Variants in CTNNA3 observed in about 807,000 individuals in gnomAD.
CTNNA3 encodes the protein catenin alpha-3.
CTNNA3 carries 76 observed loss-of-function variants against 95.7 expected under a neutral mutation model. The ratio of observed to expected loss-of-function variants is 0.79; its 90% CI spans 0.66 to 0.96. CTNNA3 has a LOEUF of 0.96. CTNNA3 is among the 40% of genes least tolerant of loss of function. The pLI, the probability that CTNNA3 is intolerant of heterozygous loss-of-function variation, is 0.00. For missense variants in CTNNA3, 1,191 were observed against 1,089.8 expected (o/e 1.09, Z -1.31); for synonymous variants, 431 against 374.4 (o/e 1.15, Z -1.74).
chr10:66,672,224 A>C (rs1373228563), intron 9 of CTNNA3, among the ~76,000 whole-genome samples: 3 of 152,076 alleles, frequency 2.0e-5, no homozygotes, highest in Admixed American at 2.0e-4. Context: ...CTGGCCATTC[A>C]CCTTGGTCAT....
intron 5 of CTNNA3, among the ~76,000 whole-genome samples, chr10:67,511,495 G>C (rs1839627247): frequency 6.6e-6 from 1 of 152,160 alleles, no homozygotes; most frequent in Admixed American, 6.5e-5. Context: ...GATGGATTAT[G>C]TTTATTGATT....
At chr10:66,429,864 A>T (rs2131742907) in intron 11 of CTNNA3, among the ~76,000 whole-genome samples, 1 of 152,040 alleles carries the variant, frequency 6.6e-6, no homozygotes, top group East Asian at 1.9e-4. Flanking sequence ...GCCCTCTCCC[A>T]CCACTCCTAT....
chr10:66,300,034 A>G (rs1290125818), intron 12 of CTNNA3, among the ~76,000 whole-genome samples: 1 of 152,034 alleles, frequency 6.6e-6, no homozygotes, highest in Non-Finnish European at 1.5e-5. Context: ...CTGGGACTAC[A>G]GGTGCCTGCC....
intron 16 of CTNNA3, among the ~76,000 whole-genome samples, chr10:65,980,874 A>G (rs2078306820): frequency 6.6e-6 from 1 of 152,124 alleles, no homozygotes; most frequent in African/African-American, 2.4e-5. Flanking sequence ...TGACAAACCC[A>G]CAGCCAATAT....
chr10:66,414,960 A>G (rs1404788286), intron 11 of CTNNA3, among the ~76,000 whole-genome samples: 3 of 152,116 alleles, frequency 2.0e-5, no homozygotes, highest in Non-Finnish European at 4.4e-5. Context: ...TTCTCCACCC[A>G]AGGCTGAGCA....
chr10:65,987,987 A>C (rs1329916174), intron 16 of CTNNA3, among the ~76,000 whole-genome samples: 1 of 152,126 alleles, frequency 6.6e-6, no homozygotes, highest in East Asian at 1.9e-4. Context: ...AAAGTTGATG[A>C]CACAGAATTA....
At chr10:67,545,812 C>G (rs905640171) in intron 3 of CTNNA3, among the ~76,000 whole-genome samples, 8 of 152,092 alleles carry the variant, frequency 5.3e-5, no homozygotes, top group Admixed American at 6.5e-5. Context: ...CTTTTTACTT[C>G]TAATAATGAG....
chr10:67,616,277 C>T (rs558154969), intron 2 of CTNNA3, among the ~76,000 whole-genome samples: 5 of 152,168 alleles, frequency 3.3e-5, no homozygotes, highest in Non-Finnish European at 7.3e-5. Flanking sequence ...ATTCTTATGA[C>T]TGGAAGTTAC....
At chr10:67,258,303 C>T (rs1004271415) in intron 5 of CTNNA3, among the ~76,000 whole-genome samples, 1 of 152,078 alleles carries the variant, frequency 6.6e-6, no homozygotes, top group East Asian at 1.9e-4. Context: ...ACCACCACAC[C>T]TGGCTAATTT....
chr10:65,995,441 C>A (rs548957926), intron 15 of CTNNA3, among the ~76,000 whole-genome samples: 1 of 152,130 alleles, frequency 6.6e-6, no homozygotes, highest in African/African-American at 2.4e-5. Flanking sequence ...TCTGTGATTT[C>A]CTCTGTCAAT....
chr10:66,373,627 G>A (rs78104996), intron 12 of CTNNA3, among the ~76,000 whole-genome samples: 22 of 151,120 alleles, frequency 1.5e-4, no homozygotes, highest in Non-Finnish European at 2.4e-4. Flanking sequence ...TTATATTAAC[G>A]TCTAATCCAA....
chr10:66,214,546 C>A (rs1192967493), intron 13 of CTNNA3, among the ~76,000 whole-genome samples: 38 of 152,012 alleles, frequency 2.5e-4, no homozygotes, highest in Admixed American at 2.5e-3. Context: ...AGGTTGTCTC[C>A]TGTCTTATAA....
intron 1 of CTNNA3, among the ~76,000 whole-genome samples, chr10:67,662,901 G>A (rs1840229969): frequency 6.6e-6 from 1 of 152,068 alleles, no homozygotes; most frequent in South Asian, 2.1e-4. Flanking sequence ...CATCTTTTGT[G>A]TTCATCTCTT....
intron 5 of CTNNA3, among the ~76,000 whole-genome samples, chr10:67,302,340 CAA>C (rs1461323722): frequency 1.3e-5 from 2 of 151,890 alleles, no homozygotes; most frequent in Non-Finnish European, 2.9e-5. Context: ...AAGAATAAGT[CAA>C]GAGATCTATT....
chr10:66,911,978 T>C (rs1334438550), intron 7 of CTNNA3, among the ~76,000 whole-genome samples: 4 of 152,122 alleles, frequency 2.6e-5, no homozygotes, highest in African/African-American at 9.7e-5. Flanking sequence ...TGATTGAAAA[T>C]TGAATACACT....
At chr10:65,935,463 G>A (rs915626041) in intron 17 of CTNNA3, among the ~76,000 whole-genome samples, 5 of 152,062 alleles carry the variant, frequency 3.3e-5, no homozygotes, top group African/African-American at 7.2e-5. Flanking sequence ...CGGTGACAGA[G>A]GCAACTTGTC....
At chr10:66,335,307 T>G (rs1385483909) in intron 12 of CTNNA3, among the ~76,000 whole-genome samples, 1 of 152,154 alleles carries the variant, frequency 6.6e-6, no homozygotes, top group Non-Finnish European at 1.5e-5. Context: ...AGAGGCACTC[T>G]GATTTTTAGT....
chr10:66,260,740 C>T (rs574893553), intron 13 of CTNNA3, among the ~76,000 whole-genome samples: 185 of 152,204 alleles, frequency 1.2e-3, no homozygotes, highest in African/African-American at 4.1e-3. Context: ...TATAAACCAT[C>T]ATTTTTTTCT....
intron 9 of CTNNA3, among the ~76,000 whole-genome samples, chr10:66,631,814 G>T (rs116627461): frequency 0.047 from 7,081 of 151,962 alleles, 286 homozygotes; most frequent in African/African-American, 0.1. Flanking sequence ...TTATTCCCAG[G>T]TCTCAAAATT....
Sources: gnomAD v4.1 joint callset for allele counts (sites outside exome capture counted in the v4.1 genomes callset) on GRCh38, gnomAD v4.1.1 for gene constraint, MANE v1.5 for transcripts, NCBI Gene and HGNC (gene_info 2026-07-23, HGNC 2026-07-21) for gene names.